The following EP300 variants were observed in gnomAD, a reference collection of about 807,000 sequenced individuals.
EP300 encodes the protein EP300 lysine acetyltransferase, also known as histone acetyltransferase p300.
In EP300, 31 loss-of-function variants were observed where a neutral mutation model predicts 264.0. That is an observed-to-expected ratio of 0.12 (90% CI 0.09 to 0.16). The LOEUF is 0.16. Ranked by LOEUF, EP300 falls within the 10% of genes least tolerant of loss-of-function variation. The pLI is 1.00. For missense variants in EP300, 2,766 were observed against 3,052.9 expected (o/e 0.91, Z 2.21); for synonymous variants, 1,340 against 1,045.4 (o/e 1.28, Z -5.44).
At chr22:41,146,854 C>T (rs2145732615) in intron 11 of EP300, 38 bp downstream of exon 11, 1 of 1,541,244 alleles carries the variant, frequency 6.5e-7, no homozygotes, top group Non-Finnish European at 8.9e-7. Context: ...TTAAAAGAAT[C>T]CCCGGTGTAC....
At position 41,168,802 on chromosome 22, in the gene EP300, T is replaced by G. The variant is rs1306808826; in HGVS notation, c.4107T>G (p.Val1369=). 1 of 1,614,210 alleles carries G rather than the reference T, an allele frequency of 6.2e-7. No individual in the cohort carries two copies. Among genetic ancestry groups the G allele is most frequent in the Admixed American group, 1.7e-5 (1 of 60,014 alleles). ...ALFAFEEIDG[V]DLCFFGMHVQ... Reference sequence around the variant, plus strand: ...TTGCCTTTGAAGAAATTGATGGTGTTGACCTGTGCTTCTTTGGCATGCATG... The same window carrying G: ...TTGCCTTTGAAGAAATTGATGGTGTGGACCTGTGCTTCTTTGGCATGCATG... The change falls in exon 25 of 31, where the codon GTT becomes GTG. Residue 1369 remains valine, a synonymous_variant. Coordinates refer to ENST00000263253, the MANE Select transcript of EP300 (RefSeq NM_001429.4).
At chr22:41,170,321 A>G in intron 26 of EP300, 85 bp from the exon 27 acceptor site, 2 of 1,330,784 alleles carry the variant, frequency 1.5e-6, no homozygotes, top group Non-Finnish European at 2.1e-6. Flanking sequence ...TGGTATCTAT[A>G]TCAACTCCAA....
chr22:41,101,600 A>T (rs1298246279), intron 1 of EP300, among the ~76,000 whole-genome samples: 1 of 151,778 alleles, frequency 6.6e-6, no homozygotes, highest in African/African-American at 2.4e-5. Context: ...TTTAGTAGAG[A>T]TGGGGTTTCA....
At chr22:41,167,560 T>TTG (rs71328777) in intron 23 of EP300, among the ~76,000 whole-genome samples, 2,047 of 50,580 alleles carry the variant, frequency 0.04, 68 homozygotes, top group Non-Finnish European at 0.058. Context: ...GTTTATATAT[T>TTG]TGTGTGTGTG....
chr22:41,111,820 A>C (rs1476398784), intron 1 of EP300, among the ~76,000 whole-genome samples: 6 of 144,430 alleles, frequency 4.2e-5, no homozygotes, highest in Non-Finnish European at 9.1e-5. Context: ...ATTACAGGTG[A>C]GAACCACCAT....
chr22:41,123,679 C>G (rs1015481744), intron 2 of EP300, among the ~76,000 whole-genome samples: 2 of 152,094 alleles, frequency 1.3e-5, no homozygotes, highest in Non-Finnish European at 2.9e-5. Flanking sequence ...AGTGTTTGCT[C>G]AATGTTTCTA....
intron 4 of EP300, among the ~76,000 whole-genome samples, 194 bp from the exon 5 acceptor site, chr22:41,129,696 C>G (rs1347741016): frequency 6.6e-6 from 1 of 152,132 alleles, no homozygotes; most frequent in East Asian, 1.9e-4. Flanking sequence ...TGACTTTGTG[C>G]AAATTGCTTA....
At chr22:41,116,045 T>G (rs948485692) in intron 1 of EP300, among the ~76,000 whole-genome samples, 2 of 152,218 alleles carry the variant, frequency 1.3e-5, no homozygotes, top group African/African-American at 4.8e-5. Flanking sequence ...ACTGTTCTTC[T>G]AAGGAACTTG....
chr22:41,170,768 T>C (rs2059165405), intron 27 of EP300, among the ~76,000 whole-genome samples, 197 bp downstream of exon 27: 1 of 149,714 alleles, frequency 6.7e-6, no homozygotes, highest in African/African-American at 2.5e-5. Flanking sequence ...TTCATGCCAT[T>C]CTCCTGCCTC....
chr22:41,166,440 T>C (rs967964570), intron 22 of EP300, among the ~76,000 whole-genome samples, 159 bp from the exon 23 acceptor site: 1 of 152,238 alleles, frequency 6.6e-6, no homozygotes, highest in African/African-American at 2.4e-5. Context: ...TTTTTATTCT[T>C]ACTGATTTCT....
At chr22:41,167,350 C>G (rs2059140317) in intron 23 of EP300, among the ~76,000 whole-genome samples, 1 of 151,888 alleles carries the variant, frequency 6.6e-6, no homozygotes, top group African/African-American at 2.4e-5. Flanking sequence ...TGATTGTTTT[C>G]TACTGTGCCA....
chr22:41,157,954 A>G (rs1048601820), intron 18 of EP300, among the ~76,000 whole-genome samples: 1 of 152,226 alleles, frequency 6.6e-6, no homozygotes, highest in Admixed American at 6.5e-5. Flanking sequence ...CAGACTGTTA[A>G]CTCATCTGGA....
rs569820900 is a variant in EP300, at chr22:41,129,291, G to A, written c.1169-599G>A. 5.0e-4 allele frequency among the ~76,000 whole-genome samples: 76 copies of A among 152,280 alleles called. 1 individual carries two copies. The highest frequency in any genetic ancestry group is 1.7e-3 in the African/African-American group (71 of 41,570). On this transcript the variant is annotated intron_variant, in intron 4 of 30. Transcript: ENST00000263253. Reference sequence around the variant, plus strand: ...CTCCCAAAGTGCTGGAATTACAGGCGTGAGCCACCGCGCCCGGCCAAAACA... The same window carrying A: ...CTCCCAAAGTGCTGGAATTACAGGCATGAGCCACCGCGCCCGGCCAAAACA...
chr22:41,171,960 T>A (rs1374318163), intron 27 of EP300, among the ~76,000 whole-genome samples: 1 of 152,172 alleles, frequency 6.6e-6, no homozygotes, highest in Non-Finnish European at 1.5e-5. Flanking sequence ...TAAATATAGG[T>A]TGTCTCATGA....
At position 41,164,075 on chromosome 22, in the gene EP300, G is replaced by A. The variant is rs373249130; in HGVS notation, c.3751G>A (p.Gly1251Arg). 7.6e-5 allele frequency: 122 copies of A among 1,613,982 alleles called. No homozygotes were observed. The Middle Eastern group carries it at 1.5e-3, about 20-fold the overall frequency. ...PELFVECTEC[G>R]RKMHQICVLH... Reference sequence around the variant, plus strand: ...CAGGTTTGTTGAATGTACAGAGTGCGGAAGAAAGATGCATCAGATCTGTGT... The same window carrying A: ...CAGGTTTGTTGAATGTACAGAGTGCAGAAGAAAGATGCATCAGATCTGTGT... Residue 1251 changes from glycine to arginine, a missense_variant, in exon 22 of 31, where the codon GGA becomes AGA. By Grantham distance (125) the Gly-to-Arg change is moderately radical. Coordinates refer to ENST00000263253, the MANE Select transcript of EP300 (RefSeq NM_001429.4).
chr22:41,097,616 T>C (rs2145672366), intron 1 of EP300, among the ~76,000 whole-genome samples: 1 of 152,302 alleles, frequency 6.6e-6, no homozygotes, highest in Admixed American at 6.5e-5. Flanking sequence ...TTGAGAGTTA[T>C]TCTGCCAATT....
chr22:41,172,366 C>A, intron 27 of EP300, 133 bp from the exon 28 acceptor site: 2 of 775,338 alleles, frequency 2.6e-6, no homozygotes, highest in Non-Finnish European at 2.1e-6. Context: ...TGGCTTACGG[C>A]TTAGGTATAA....
At chr22:41,155,999 T>C (rs1043288448) in intron 17 of EP300, among the ~76,000 whole-genome samples, 1 of 151,964 alleles carries the variant, frequency 6.6e-6, no homozygotes, top group Non-Finnish European at 1.5e-5. Flanking sequence ...GTTTACTTTT[T>C]TGTTGTTGTT....
At position 41,168,847 on chromosome 22, in the gene EP300, C is replaced by G. The variant is rs1366876915; in HGVS notation, c.4152C>G (p.Asp1384Glu). The G allele has an allele frequency of 3.1e-6, 5 of 1,614,094 alleles. No homozygotes were observed. Among genetic ancestry groups the G allele is most frequent in the African/African-American group, 1.3e-5 (1 of 74,928 alleles). The stretch of plus-strand genomic sequence containing the variant: ...TGCATGTTCAAGAGTATGGCTCTGA[C>G]TGCCCTCCACCCAACCAGAGGTATG... ...FGMHVQEYGS[D>E]CPPPNQRRVY... The change falls in exon 25 of 31, where the codon GAC becomes GAG. Residue 1384 changes from aspartate to glutamate, a missense_variant. By Grantham distance (45) the Asp-to-Glu change is conservative (BLOSUM62 2). Transcript: ENST00000263253.
Sources: gnomAD v4.1 joint callset for allele counts (sites outside exome capture counted in the v4.1 genomes callset) on GRCh38, gnomAD v4.1.1 for gene constraint, MANE v1.5 for transcripts, NCBI Gene and HGNC (gene_info 2026-07-23, HGNC 2026-07-21) for gene names.